The following HTT variants were observed in gnomAD, a reference collection of about 807,000 sequenced individuals.
HTT encodes the protein huntington disease protein.
A neutral mutation model predicts 362.3 loss-of-function variants in HTT; 104 were observed. That is an observed-to-expected ratio of 0.29 (90% CI 0.24 to 0.34). The LOEUF is 0.34. Ranked by LOEUF, HTT falls within the 10% of genes least tolerant of loss-of-function variation. The pLI, the probability that HTT is intolerant of heterozygous loss-of-function variation, is 1.00. For synonymous variants in HTT, 1,577 were observed against 1,548.7 expected (o/e 1.02, Z -0.43); for missense variants, 3,301 against 3,928.6 (o/e 0.84, Z 4.27).
At chr4:3,188,882 A>C in intron 39 of HTT, 69 bp from the exon 40 acceptor site, 1 of 1,394,764 alleles carries the variant, frequency 7.2e-7, no homozygotes, top group Non-Finnish European at 1.0e-6. Flanking sequence ...ATATCTTTTC[A>C]TGTATACTTG....
At chr4:3,137,128 G>A (rs1404530205) in intron 21 of HTT, among the ~76,000 whole-genome samples, 2 of 151,710 alleles carry the variant, frequency 1.3e-5, no homozygotes, top group Non-Finnish European at 2.9e-5. Context: ...GGCTGGTCTC[G>A]AACTTCTGAC....
intron 1 of HTT, 31 bp from the exon 2 acceptor site, chr4:3,086,908 A>G (rs2110141989): frequency 7.8e-7 from 1 of 1,277,988 alleles, no homozygotes; most frequent in African/African-American, 1.5e-5. Context: ...AATTCAACAC[A>G]TATTAATTTC....
At position 3,074,701 on chromosome 4, in the gene HTT, A is replaced by C. The variant is rs936795251; in HGVS notation, c.-125A>C. On this transcript the variant is annotated 5_prime_UTR_variant, in exon 1 of 67. The change abolishes an upstream ATG in the 5' untranslated region. Coordinates refer to ENST00000355072, the MANE Select transcript of HTT (RefSeq NM_001388492.1). ...TGGGGGCTGCCGGGACGGGTCCAAG[A>C]TGGACGGCCGCTCAGGTTCTGCTTT... 54 of 1,048,192 alleles carry C rather than the reference A, an allele frequency of 5.2e-5. No individual in the cohort carries two copies. Among genetic ancestry groups the C allele is most frequent in the Non-Finnish European group, 6.5e-5 (50 of 771,162 alleles). The allele number at this position is 1,048,192 out of a possible 1,614,324, so 64.9% of individuals were successfully genotyped here. A position where few individuals can be genotyped will look rare whatever the true frequency, so the allele number is the denominator to read the frequency against.
chr4:3,121,218 C>T lies in HTT; in HGVS notation c.1069-10C>T. 1 of 1,607,580 alleles carries T rather than the reference C, an allele frequency of 6.2e-7. No homozygotes were observed. Among genetic ancestry groups the T allele is most frequent in the Non-Finnish European group, 8.5e-7 (1 of 1,174,072 alleles). ...CTCTGACCAGAACACCTGTGTTTCT[C>T]TGTTTCTAGGTTTATGAACTGACGT... is the stretch of plus-strand genomic sequence containing the variant. On this transcript the variant is annotated splice_polypyrimidine_tract_variant and intron_variant, in intron 8 of 66. Coordinates refer to ENST00000355072, the MANE Select transcript of HTT (RefSeq NM_001388492.1).
intron 51 of HTT, 109 bp from the exon 52 acceptor site, chr4:3,217,656 G>T (rs924772227): frequency 8.7e-6 from 8 of 919,604 alleles, no homozygotes; most frequent in Non-Finnish European, 1.3e-5. Context: ...CAGAGTCTAA[G>T]TGGATTCCAC....
intron 41 of HTT, among the ~76,000 whole-genome samples, chr4:3,202,279 G>T (rs1719618627): frequency 1.3e-5 from 2 of 152,028 alleles, no homozygotes; most frequent in South Asian, 2.1e-4. Flanking sequence ...CCTGAGATTT[G>T]GGGGGGCTTG....
At chr4:3,125,438 T>G in intron 10 of HTT, 111 bp from the exon 11 acceptor site, 1 of 662,026 alleles carries the variant, frequency 1.5e-6, no homozygotes, top group East Asian at 2.8e-5. Context: ...TGATAAACTA[T>G]ATTAGAGTAA....
intron 56 of HTT, 89 bp from the exon 57 acceptor site, chr4:3,225,572 C>T: frequency 8.4e-7 from 1 of 1,192,064 alleles, no homozygotes; most frequent in Non-Finnish European, 1.2e-6. Context: ...GGCTGGGTGC[C>T]TGTCTGGGCA....
chr4:3,101,555 A>G (rs1195152219), intron 3 of HTT, among the ~76,000 whole-genome samples: 2 of 152,220 alleles, frequency 1.3e-5, no homozygotes, highest in Admixed American at 6.5e-5. Context: ...GAGCATAGGC[A>G]TGGTCACGTA....
intron 55 of HTT, 140 bp downstream of exon 55, chr4:3,223,700 A>G (rs362318): frequency 2.4e-6 from 2 of 828,274 alleles, no homozygotes; most frequent in Non-Finnish European, 3.8e-6. Context: ...TGGCCTGTGC[A>G]GGAGATGCAG....
chr4:3,136,054 C>A (rs537895454), intron 20 of HTT, 87 bp downstream of exon 20: 2 of 1,018,644 alleles, frequency 2.0e-6, no homozygotes, highest in Non-Finnish European at 3.0e-6. Flanking sequence ...TAAATGCATT[C>A]GTCATGTTTT....
At chr4:3,229,424 CA>C (rs1721115969) in intron 59 of HTT, among the ~76,000 whole-genome samples, 1 of 149,452 alleles carries the variant, frequency 6.7e-6, no homozygotes, top group Non-Finnish European at 1.5e-5. Flanking sequence ...ACACACAGCA[CA>C]CAACCACACA....
At chr4:3,097,719 A>G (rs1172019303) in intron 2 of HTT, among the ~76,000 whole-genome samples, 1 of 152,242 alleles carries the variant, frequency 6.6e-6, no homozygotes. Context: ...GATGAAATGG[A>G]TGAGTTCCTT....
intron 8 of HTT, among the ~76,000 whole-genome samples, chr4:3,119,847 G>A (rs145128197): frequency 1.2e-3 from 180 of 152,248 alleles, no homozygotes; most frequent in Middle Eastern, 6.8e-3. Flanking sequence ...AGCTGATTAC[G>A]TAGAGCAGGT....
intron 27 of HTT, 93 bp downstream of exon 27, chr4:3,154,512 A>C: frequency 6.8e-7 from 1 of 1,481,322 alleles, no homozygotes; most frequent in Non-Finnish European, 9.1e-7. Context: ...TAGAGAAATA[A>C]ATATAATACA....
chr4:3,166,935 G>A (rs557079221), intron 29 of HTT, among the ~76,000 whole-genome samples: 3 of 152,326 alleles, frequency 2.0e-5, no homozygotes, highest in African/African-American at 7.2e-5. Context: ...CTTGCCCTCC[G>A]TGGGCTGCAC....
chr4:3,208,780 A>G lies in HTT; in HGVS notation c.6160A>G (p.Arg2054Gly). The change falls in exon 46 of 67, where the codon AGG (arginine) becomes GGG (glycine). Residue 2054 changes from arginine to glycine, a missense_variant. By Grantham distance (125) the Arg-to-Gly change is moderately radical. Transcript: ENST00000355072. ...TTTTTATTTGTATTTTAGACACCAA[A>G]GGCTCTATTCCCTGCTGGACAGGTT... ...QSSGLAQRHQ[R>G]LYSLLDRFRL... is the part of the protein sequence containing the mutation. 1 of 1,603,332 alleles carries G rather than the reference A, an allele frequency of 6.2e-7. No individual in the cohort carries two copies. The highest frequency in any genetic ancestry group is 2.2e-5 in the East Asian group (1 of 44,828).
At position 3,130,360 on chromosome 4, in the gene HTT, C is replaced by T. The variant is rs748080028; in HGVS notation, c.1923C>T (p.Asp641=). ...KNMSHCRQPS[D]SSVDKFVLRD... is the part of the protein sequence containing the mutation. ...TGAGTCACTGCAGGCAGCCTTCTGA[C>T]AGCAGTGTTGATAAATTTGTGTTGA... The change falls in exon 14 of 67, where the codon GAC becomes GAT. Residue 641 remains aspartate, a synonymous_variant. Transcript: ENST00000355072. The T allele has an allele frequency of 1.2e-6, 2 of 1,609,452 alleles. No homozygotes were observed. Among genetic ancestry groups the T allele is most frequent in the Admixed American group, 3.4e-5 (2 of 59,602 alleles).
intron 38 of HTT, 86 bp downstream of exon 38, chr4:3,186,805 C>T (rs1718779907): frequency 1.9e-6 from 2 of 1,042,084 alleles, no homozygotes; most frequent in Non-Finnish European, 2.8e-6. Context: ...ATGTCTGAGT[C>T]AGTCAGTTTG....
Sources: gnomAD v4.1 joint callset for allele counts (sites outside exome capture counted in the v4.1 genomes callset) on GRCh38, gnomAD v4.1.1 for gene constraint, MANE v1.5 for transcripts, NCBI Gene and HGNC (gene_info 2026-07-23, HGNC 2026-07-21) for gene names.